The following NELL1 variants were observed in gnomAD, a reference collection of about 807,000 sequenced individuals.
NELL1 encodes the protein neural EGFL like 1, also known as protein kinase C-binding protein NELL1.
A neutral mutation model predicts 107.4 loss-of-function variants in NELL1; 76 were observed. That is an observed-to-expected ratio of 0.71 (90% CI 0.59 to 0.86). The LOEUF is 0.86. Among genes scored for constraint, NELL1 ranks in the 40% least tolerant of loss-of-function variants. The probability of loss-of-function intolerance (pLI) is 0.00; values close to 1 mark genes in which losing one functional copy is unlikely to be tolerated. For missense variants in NELL1, 1,024 were observed against 1,005.5 expected (o/e 1.02, Z -0.25); for synonymous variants, 353 against 341.2 (o/e 1.03, Z -0.38).
intron 9 of NELL1, among the ~76,000 whole-genome samples, chr11:20,929,881 A>G (rs1243835109): frequency 6.6e-6 from 1 of 151,578 alleles, no homozygotes; most frequent in African/African-American, 2.4e-5. Context: ...CTGAGGCAGG[A>G]GAATTGCTTG....
Position 21,385,525 on chromosome 11 carries a change from T to C in NELL1, c.1645+14577T>C, listed in dbSNP as rs536442689. Among the ~76,000 whole-genome samples, 4 of 152,002 alleles carry C rather than the reference T, an allele frequency of 2.6e-5. No individual in the cohort carries two copies. The East Asian group carries it at 7.8e-4, about 30-fold the overall frequency. The stretch of plus-strand genomic sequence containing the variant: ...AATCAATCACTACAGTGCATCTTTT[T>C]TTTCCCCTCCATCCTACCTCCTAGT... On this transcript the variant is annotated intron_variant, in intron 15 of 19. Coordinates refer to ENST00000357134, the MANE Select transcript of NELL1 (RefSeq NM_006157.5).
intron 2 of NELL1, among the ~76,000 whole-genome samples, chr11:20,732,798 G>A (rs1046537556): frequency 1.2e-4 from 19 of 152,156 alleles, no homozygotes; most frequent in African/African-American, 4.3e-4. Flanking sequence ...CGGTTTTGGA[G>A]CTTATTGTCG....
chr11:20,893,861 A>AAG (rs1849669984), intron 5 of NELL1, among the ~76,000 whole-genome samples: 1 of 151,218 alleles, frequency 6.6e-6, no homozygotes, highest in African/African-American at 2.4e-5. Flanking sequence ...TAGTTAAAAA[A>AAG]AAAAAAAAAA....
chr11:20,904,814 GT>G (rs1271868131), intron 5 of NELL1, among the ~76,000 whole-genome samples: 8 of 150,806 alleles, frequency 5.3e-5, no homozygotes, highest in South Asian at 2.1e-4. Flanking sequence ...TTTTTTTTAA[GT>G]TTTTTTTTCT....
At chr11:21,492,506 A>G (rs983129001) in intron 15 of NELL1, among the ~76,000 whole-genome samples, 3 of 151,764 alleles carry the variant, frequency 2.0e-5, no homozygotes, top group African/African-American at 7.3e-5. Context: ...CAAATGTCCA[A>G]CAATGATAGA....
chr11:21,200,767 G>A (rs1209998341), intron 13 of NELL1, among the ~76,000 whole-genome samples: 1 of 152,118 alleles, frequency 6.6e-6, no homozygotes, highest in Non-Finnish European at 1.5e-5. Context: ...ATGGTTTTAG[G>A]TCTTAAGTTT....
chr11:21,421,904 T>C (rs966488526), intron 15 of NELL1, among the ~76,000 whole-genome samples: 1 of 152,092 alleles, frequency 6.6e-6, no homozygotes, highest in African/African-American at 2.4e-5. Flanking sequence ...AAGAGAGAAG[T>C]GACTCATCAC....
chr11:21,265,306 A>G (rs1376842657), intron 14 of NELL1, among the ~76,000 whole-genome samples: 1 of 152,078 alleles, frequency 6.6e-6, no homozygotes, highest in Non-Finnish European at 1.5e-5. Flanking sequence ...AACTATATTC[A>G]GAAGGCTCTT....
At chr11:21,499,348 A>T (rs754085187) in intron 15 of NELL1, among the ~76,000 whole-genome samples, 1 of 152,012 alleles carries the variant, frequency 6.6e-6, no homozygotes, top group Non-Finnish European at 1.5e-5. Flanking sequence ...TAATGCTTCT[A>T]TTATTTTCAC....
At chr11:21,331,819 T>A (rs1032660714) in intron 14 of NELL1, among the ~76,000 whole-genome samples, 5 of 152,080 alleles carry the variant, frequency 3.3e-5, no homozygotes, top group African/African-American at 4.8e-5. Flanking sequence ...ATTGCTCTTA[T>A]GGAGGTATCA....
chr11:20,896,767 AACAG>A (rs1357221026), intron 5 of NELL1, among the ~76,000 whole-genome samples: 1 of 152,190 alleles, frequency 6.6e-6, no homozygotes, highest in Non-Finnish European at 1.5e-5. Context: ...ATACACCAAT[AACAG>A]ACAAACAGAG....
rs554935151 is a variant in NELL1 at position 20,943,036 on chromosome 11, C to T, written c.1072-4300C>T. 3.8e-4 allele frequency among the ~76,000 whole-genome samples: 56 copies of T among 149,024 alleles called. 2 individuals carry two copies. In the South Asian group the frequency reaches 0.011, roughly 30 times the overall value. ...TGGCACATTGCAGTTGCTCTACACACTTGGGTTCATCTTTTACTGTTTTTT... is the reference window on the plus strand; with the variant it reads ...TGGCACATTGCAGTTGCTCTACACATTTGGGTTCATCTTTTACTGTTTTTT... On this transcript the variant is annotated intron_variant, in intron 10 of 19. Coordinates refer to ENST00000357134, the MANE Select transcript of NELL1 (RefSeq NM_006157.5).
At chr11:20,798,401 A>G (rs901081886) in intron 3 of NELL1, among the ~76,000 whole-genome samples, 1 of 152,196 alleles carries the variant, frequency 6.6e-6, no homozygotes, top group Non-Finnish European at 1.5e-5. Flanking sequence ...AAATGAAAAA[A>G]CAGCTAATGT....
At chr11:20,823,722 AC>A (rs1857811234) in intron 3 of NELL1, among the ~76,000 whole-genome samples, 1 of 151,220 alleles carries the variant, frequency 6.6e-6, no homozygotes, top group African/African-American at 2.4e-5. Context: ...TGTGGGAATC[AC>A]AGGAGGGTAG....
chr11:20,918,266 C>CT lies in NELL1; in HGVS notation c.676+14dup, dbSNP rs1222758878. On this transcript the variant is annotated intron_variant, in intron 6 of 19. Transcript: ENST00000357134. ...AAATCTAAATCACAGTAAGTAGCAA[C>CT]TTAAAGCATTGTGATATATTATATA... 6.9e-7 allele frequency: 1 copy of CT among 1,459,280 alleles called. No homozygotes were observed. The highest frequency in any genetic ancestry group is 9.6e-7 in the Non-Finnish European group (1 of 1,040,814). The allele number at this position is 1,459,280 out of a possible 1,614,324, so 90.4% of individuals were successfully genotyped here.
chr11:21,180,266 A>C (rs1031554662), intron 13 of NELL1, among the ~76,000 whole-genome samples: 4 of 151,882 alleles, frequency 2.6e-5, no homozygotes, highest in Non-Finnish European at 5.9e-5. Flanking sequence ...GGTTGCTTTC[A>C]AAGCTGAGAT....
chr11:21,478,954 A>G (rs1239251885), intron 15 of NELL1, among the ~76,000 whole-genome samples: 1 of 152,118 alleles, frequency 6.6e-6, no homozygotes, highest in Admixed American at 6.5e-5. Context: ...CTCAATATTG[A>G]TCATCAGAAT....
At chr11:20,966,492 A>G (rs138701753) in intron 12 of NELL1, among the ~76,000 whole-genome samples, 1 of 152,174 alleles carries the variant, frequency 6.6e-6, no homozygotes, top group East Asian at 1.9e-4. Context: ...TCCTGCTCCC[A>G]TTTATTTCCA....
intron 13 of NELL1, among the ~76,000 whole-genome samples, chr11:21,208,863 G>A (rs139313326): frequency 4.6e-5 from 7 of 152,146 alleles, no homozygotes; most frequent in Non-Finnish European, 1.0e-4. Flanking sequence ...AAGGGTAATA[G>A]AATTTTCTGT....
Sources: allele counts gnomAD v4.1 joint callset (sites outside exome capture counted in the v4.1 genomes callset), GRCh38; gene constraint gnomAD v4.1.1; transcripts MANE v1.5; gene names NCBI Gene and HGNC (gene_info 2026-07-23, HGNC 2026-07-21).